Variants in NCAM2 observed in about 807,000 individuals in gnomAD.
NCAM2 encodes the protein N-CAM-2.
Under a neutral mutation model 98.1 loss-of-function variants are expected in NCAM2, and 30 were observed. That is an observed-to-expected ratio of 0.31 (90% CI 0.23 to 0.41). NCAM2 has a LOEUF of 0.41. NCAM2 is among the 10% of genes least tolerant of loss of function. NCAM2 has a pLI of 1.00. For missense variants in NCAM2, 867 were observed against 1,005.8 expected, an observed-to-expected ratio of 0.86 and a Z score of 1.87; for synonymous variants, 368 against 342.4, an observed-to-expected ratio of 1.07 and a Z score of -0.83.
chr21:21,053,827 T>C (rs557316557), intron 1 of NCAM2, among the ~76,000 whole-genome samples: 2 of 151,850 alleles, frequency 1.3e-5, no homozygotes, highest in Admixed American at 1.3e-4. Flanking sequence ...TACTTACTTA[T>C]ATGTATATAC....
chr21:21,028,391 A>C lies in NCAM2; in HGVS notation c.55+29773A>C, dbSNP rs148178417. Among the ~76,000 whole-genome samples the C allele has an allele frequency of 4.0e-3, 610 of 152,348 alleles. 1 individual carries two copies. The highest frequency in any genetic ancestry group is 5.0e-3 in the Non-Finnish European group (341 of 68,030). On this transcript the variant is annotated intron_variant, in intron 1 of 17. Transcript: ENST00000400546. ...TATGTTGTGTGAAGCATATTTACTT[A>C]TAAGATTCTTTAATGAGGCCTGACC... is the stretch of plus-strand genomic sequence containing the variant.
At chr21:21,098,290 A>G (rs2066166274) in intron 1 of NCAM2, among the ~76,000 whole-genome samples, 1 of 151,694 alleles carries the variant, frequency 6.6e-6, no homozygotes, top group Non-Finnish European at 1.5e-5. Flanking sequence ...GTAAACCCAA[A>G]TTTAAAGATA....
At chr21:21,380,445 A>G (rs2076130165) in intron 9 of NCAM2, among the ~76,000 whole-genome samples, 1 of 152,162 alleles carries the variant, frequency 6.6e-6, no homozygotes, top group Admixed American at 6.6e-5. Context: ...AATAAAACAA[A>G]TTTATTGTCT....
At chr21:21,367,623 T>C (rs1002317946) in intron 8 of NCAM2, among the ~76,000 whole-genome samples, 1 of 151,966 alleles carries the variant, frequency 6.6e-6, no homozygotes, top group Non-Finnish European at 1.5e-5. Flanking sequence ...AATAGATGGG[T>C]GTATGAAACT....
chr21:21,016,384 A>C (rs2064309460), intron 1 of NCAM2, among the ~76,000 whole-genome samples: 2 of 152,090 alleles, frequency 1.3e-5, no homozygotes, highest in African/African-American at 4.8e-5. Flanking sequence ...TACCATATTT[A>C]TGCGCTTCGT....
At chr21:21,527,062 T>C (rs1989364616) in intron 16 of NCAM2, among the ~76,000 whole-genome samples, 1 of 151,872 alleles carries the variant, frequency 6.6e-6, no homozygotes, top group Non-Finnish European at 1.5e-5. Flanking sequence ...ACCTTGGTTT[T>C]GGTAGTGAAT....
At chr21:21,485,360 A>C (rs933825846) in intron 15 of NCAM2, among the ~76,000 whole-genome samples, 9 of 152,160 alleles carry the variant, frequency 5.9e-5, no homozygotes, top group African/African-American at 2.2e-4. Context: ...TTCTAACATA[A>C]GTAGTTATTT....
chr21:21,491,160 A>C (rs1366718066), intron 15 of NCAM2, among the ~76,000 whole-genome samples: 1 of 151,848 alleles, frequency 6.6e-6, no homozygotes, highest in African/African-American at 2.4e-5. Flanking sequence ...ATTCATAACA[A>C]TTGTATATTG....
intron 11 of NCAM2, among the ~76,000 whole-genome samples, chr21:21,426,591 A>C (rs2077218823): frequency 6.6e-6 from 1 of 152,204 alleles, no homozygotes; most frequent in Admixed American, 6.5e-5. Flanking sequence ...ACTAGAGGTC[A>C]GGAAGCCCTC....
chr21:21,065,955 A>C (rs1173010806), intron 1 of NCAM2, among the ~76,000 whole-genome samples: 1 of 152,194 alleles, frequency 6.6e-6, no homozygotes, highest in Non-Finnish European at 1.5e-5. Flanking sequence ...TATGTGTACC[A>C]AATGACCTCA....
intron 8 of NCAM2, among the ~76,000 whole-genome samples, chr21:21,341,797 G>A (rs773191478): frequency 6.6e-6 from 1 of 150,872 alleles, no homozygotes; most frequent in Non-Finnish European, 1.5e-5. Context: ...GTATAGATGA[G>A]TGAATGCTCT....
At chr21:21,140,761 A>G (rs980148698) in intron 1 of NCAM2, among the ~76,000 whole-genome samples, 1 of 148,064 alleles carries the variant, frequency 6.8e-6, no homozygotes, top group Non-Finnish European at 1.5e-5. Context: ...TCAACAATTT[A>G]ATATGTTACA....
chr21:21,432,993 T>C (rs1309353914), intron 12 of NCAM2, among the ~76,000 whole-genome samples: 1 of 152,148 alleles, frequency 6.6e-6, no homozygotes, highest in African/African-American at 2.4e-5. Flanking sequence ...TCTATGAGGA[T>C]CCTACCTTGA....
At chr21:21,219,491 AGACTT>A (rs2070047810) in intron 1 of NCAM2, among the ~76,000 whole-genome samples, 1 of 152,220 alleles carries the variant, frequency 6.6e-6, no homozygotes, top group South Asian at 2.1e-4. Context: ...GTGACATTGT[AGACTT>A]TATTACATCA....
chr21:21,215,208 G>C (rs1286433236), intron 1 of NCAM2, among the ~76,000 whole-genome samples: 1 of 152,002 alleles, frequency 6.6e-6, no homozygotes, highest in Non-Finnish European at 1.5e-5. Flanking sequence ...ATCTGTATAT[G>C]CATGTGCTTA....
chr21:21,222,135 G>A (rs968987540), intron 1 of NCAM2, among the ~76,000 whole-genome samples: 4 of 152,092 alleles, frequency 2.6e-5, no homozygotes, highest in African/African-American at 9.7e-5. Context: ...CTACAGTTGA[G>A]ACCTACTACG....
intron 1 of NCAM2, among the ~76,000 whole-genome samples, chr21:21,099,606 C>T (rs1337106801): frequency 6.6e-6 from 1 of 151,910 alleles, no homozygotes; most frequent in African/African-American, 2.4e-5. Context: ...AATTACCTCT[C>T]ACAGGCTCCC....
At chr21:21,346,824 C>A (rs2075202826) in intron 8 of NCAM2, among the ~76,000 whole-genome samples, 1 of 151,688 alleles carries the variant, frequency 6.6e-6, no homozygotes, top group South Asian at 2.1e-4. Flanking sequence ...CTTCTTGAAA[C>A]AAATGATAAT....
chr21:21,508,504 G>T (rs1249490709), intron 15 of NCAM2, among the ~76,000 whole-genome samples: 1 of 151,656 alleles, frequency 6.6e-6, no homozygotes. Context: ...TACATTTAGG[G>T]ATATGATAAT....
Sources: gnomAD v4.1 joint callset for allele counts (sites outside exome capture counted in the v4.1 genomes callset) on GRCh38, gnomAD v4.1.1 for gene constraint, MANE v1.5 for transcripts, NCBI Gene and HGNC (gene_info 2026-07-23, HGNC 2026-07-21) for gene names.